SLC66A2: variants seen among roughly 807,000 people sequenced by gnomAD.
The protein encoded by SLC66A2 is solute carrier family 66 member 2.
A neutral mutation model predicts 25.5 loss-of-function variants in SLC66A2; 23 were observed. That is an observed-to-expected ratio of 0.90 (90% CI 0.65 to 1.28). The LOEUF is 1.28. Among genes scored for constraint, SLC66A2 ranks in the 50% most tolerant of loss-of-function variants. SLC66A2 has a pLI of 0.00. For synonymous variants in SLC66A2, 193 were observed against 166.5 expected (o/e 1.16, Z -1.23); for missense variants, 396 against 373.1 (o/e 1.06, Z -0.51).
At chr18:79,913,629 G>A (rs1286999086) in intron 5 of SLC66A2, among the ~76,000 whole-genome samples, 2 of 152,252 alleles carry the variant, frequency 1.3e-5, no homozygotes, top group African/African-American at 2.4e-5. Context: ...GGAGGCAACT[G>A]TGCATGCCGG....
In SLC66A2 at chr18:79,918,013, G is replaced by A. The variant is rs1038449858; in HGVS notation, c.608+1171C>T. Among the ~76,000 whole-genome samples, 3 of 151,548 alleles carry A rather than the reference G, an allele frequency of 2.0e-5. No homozygotes were observed. Among genetic ancestry groups the A allele is most frequent in the African/African-American group, 7.3e-5 (3 of 41,176 alleles). ...ACACCTACGCCACACACCTGTAACT[G>A]CAACCCACACCTATAACCCTGGCCT... On this transcript the variant is annotated intron_variant, in intron 5 of 5. Transcript: ENST00000397778. This position sits in a 1 kb window ranked among gnomAD's most constrained non-coding sequence, Gnocchi z 4.0.
chr18:79,936,683 G>A (rs1987122235), intron 3 of SLC66A2, among the ~76,000 whole-genome samples: 1 of 152,182 alleles, frequency 6.6e-6, no homozygotes, highest in East Asian at 1.9e-4. Context: ...ATAAAACAAA[G>A]TTAAACTTTA....
At position 79,927,518 on chromosome 18, in the gene SLC66A2, G is replaced by A. The variant is rs118027503; in HGVS notation, c.391+6451C>T. Among the ~76,000 whole-genome samples, 7,190 of 152,248 alleles carry A rather than the reference G, an allele frequency of 0.047. 268 individuals carry two copies. Among genetic ancestry groups the A allele is most frequent in the Non-Finnish European group, 0.065 (4,408 of 68,014 alleles). The stretch of plus-strand genomic sequence containing the variant: ...AGTATAAATGCCCTTCTTAGCCTTC[G>A]AGGCCGGCACTGGCCTCGCTGACCC... On this transcript the variant is annotated intron_variant, in intron 4 of 5. Coordinates refer to ENST00000397778, the MANE Select transcript of SLC66A2 (RefSeq NM_025078.5). This position sits in a 1 kb window ranked among gnomAD's most constrained non-coding sequence, Gnocchi z 6.2.
rs575491887 is a variant in SLC66A2, at chr18:79,906,402, C to T, written c.609-2219G>A. ...TTAACTCTAAGCATTGCTTTAGTTG[C>T]ATCCCACAAATTTTGATATGGTGGT... On this transcript the variant is annotated intron_variant, in intron 5 of 5. Transcript: ENST00000397778. 3.7e-4 allele frequency among the ~76,000 whole-genome samples: 57 copies of T among 152,176 alleles called. 2 individuals are homozygous for T. The highest frequency in any genetic ancestry group is 1.9e-4 in the Non-Finnish European group (13 of 68,036).
At chr18:79,929,349 G>T (rs908288283) in intron 4 of SLC66A2, among the ~76,000 whole-genome samples, 2 of 152,144 alleles carry the variant, frequency 1.3e-5, no homozygotes, top group Admixed American at 1.3e-4. Context: ...GATCAGGGAG[G>T]GTCACAGCCA....
Position 79,919,244 on chromosome 18 carries a change from G to T in SLC66A2, c.548C>A (p.Ala183Asp). ...GTAAAGCTGGGGCACACCCAGCATG[G>T]CTTCGGTCAGCACAGCCAGGAAGCC... ...TLGFLAVLTE[A>D]MLGVPQLYRN... The change falls in exon 5 of 6, where the codon GCC (alanine) becomes GAC (aspartate). Residue 183 changes from alanine (A) to aspartate (D), a missense_variant. Ala to Asp is a moderately radical substitution (Grantham distance 126). Transcript: ENST00000397778. 6.2e-7 allele frequency: 1 copy of T among 1,613,282 alleles called. No homozygotes were observed. The highest frequency in any genetic ancestry group is 8.5e-7 in the Non-Finnish European group (1 of 1,180,026).
rs989025591 is a variant in SLC66A2 at position 79,927,903 on chromosome 18, C to A, written c.391+6066G>T. 6.6e-6 allele frequency among the ~76,000 whole-genome samples: 1 copy of A among 152,364 alleles called. No individual in the cohort carries two copies. The highest frequency in any genetic ancestry group is 2.4e-5 in the African/African-American group (1 of 41,590). On this transcript the variant is annotated intron_variant, in intron 4 of 5. Transcript: ENST00000397778. The surrounding 1 kb of genome is among the most constrained non-coding windows in gnomAD (Gnocchi z 6.2). The stretch of plus-strand genomic sequence containing the variant: ...AGCTGCTGAGACACATTCCTGCAGC[C>A]GCCTCAGCTAGAGCCAGGGAGGCCC...
chr18:79,911,576 A>G (rs1983123011), intron 5 of SLC66A2, among the ~76,000 whole-genome samples: 1 of 152,232 alleles, frequency 6.6e-6, no homozygotes, highest in South Asian at 2.1e-4. Context: ...TGGCAGCTGC[A>G]GGCACGGAGC....
At chr18:79,938,963 G>T (rs1404079017) in intron 3 of SLC66A2, among the ~76,000 whole-genome samples, 2 of 152,202 alleles carry the variant, frequency 1.3e-5, no homozygotes, top group Admixed American at 6.5e-5. Context: ...GGCATGAGCC[G>T]CTGCGACCGG....
Position 79,903,643 on chromosome 18 carries a change from A to G in SLC66A2, c.*333T>C. ...GCTGGCCCGTGTGTCCACCTGGAGC[A>G]GGTTCCTGCAGGCCGCCCAATGTGT... On this transcript the variant is annotated 3_prime_UTR_variant, in exon 6 of 6. Coordinates refer to ENST00000397778, the MANE Select transcript of SLC66A2 (RefSeq NM_025078.5). The G allele has an allele frequency of 2.9e-6, 1 of 342,284 alleles. No homozygotes were observed. The highest frequency in any genetic ancestry group is 5.3e-6 in the Non-Finnish European group (1 of 187,640). The allele number at this position is 342,284 out of a possible 1,614,324, so 21.2% of individuals were successfully genotyped here.
Position 79,904,596 on chromosome 18 carries a change from TCTGGGAGGGGCCGGGC to T in SLC66A2, c.609-429_609-414del, listed in dbSNP as rs965577821. Among the ~76,000 whole-genome samples the T allele has an allele frequency of 1.3e-5, 2 of 152,044 alleles. No homozygotes were observed. Among genetic ancestry groups the T allele is most frequent in the African/African-American group, 4.8e-5 (2 of 41,386 alleles). On this transcript the variant is annotated intron_variant, in intron 5 of 5. Coordinates refer to ENST00000397778, the MANE Select transcript of SLC66A2 (RefSeq NM_025078.5). This position sits in a 1 kb window ranked among gnomAD's most constrained non-coding sequence, Gnocchi z 6.3. ...AGGGCCCCTGGTGCGCGGTGGCAAT[TCTGGGAGGGGCCGGGC>T]CTGGGAGGGTGCTGAGGACGCAGAT...
Position 79,919,300 on chromosome 18 carries a change from G to A in SLC66A2, c.492C>T (p.Ser164=), listed in dbSNP as rs1156467782. The A allele has an allele frequency of 7.4e-6, 12 of 1,613,186 alleles. No individual in the cohort carries two copies. The highest frequency in any genetic ancestry group is 1.3e-5 in the African/African-American group (1 of 74,946). ...TGVAGYITYL[S]IDSALFVETL... is the part of the protein sequence containing the mutation. Reference sequence around the variant, plus strand: ...TCTCCACAAACAGGGCGGAGTCAATGGACAGGTAGGTGATGTAGCCCGCCA... The same window carrying A: ...TCTCCACAAACAGGGCGGAGTCAATAGACAGGTAGGTGATGTAGCCCGCCA... Residue 164 remains serine (S), a synonymous_variant, in exon 5 of 6, where the codon TCC becomes TCT. Coordinates refer to ENST00000397778, the MANE Select transcript of SLC66A2 (RefSeq NM_025078.5).
chr18:79,950,093 G>A (rs1345134331), intron 2 of SLC66A2, among the ~76,000 whole-genome samples: 1 of 152,178 alleles, frequency 6.6e-6, no homozygotes, highest in Non-Finnish European at 1.5e-5. Context: ...TGTAATCCCA[G>A]CCCTTTCAGA....
intron 4 of SLC66A2, among the ~76,000 whole-genome samples, chr18:79,922,301 G>C (rs1162878883): frequency 6.9e-6 from 1 of 144,332 alleles, no homozygotes; most frequent in African/African-American, 2.5e-5. Context: ...AAAAAAAAAA[G>C]CTAAAATCCT....
chr18:79,934,128 TA>T (rs3837882), intron 3 of SLC66A2, 106 bp from the exon 4 acceptor site: 360,444 of 596,616 alleles, frequency 0.6, 76,641 homozygotes, highest in Admixed American at 0.68. Context: ...TGCATTTCTT[TA>T]AAAAAAAAAA....
At chr18:79,943,654 G>C in intron 2 of SLC66A2, 192 bp from the exon 3 acceptor site, 1 of 599,916 alleles carries the variant, frequency 1.7e-6, no homozygotes, top group South Asian at 2.2e-5. Flanking sequence ...AACCTGCAGC[G>C]GGAGACACCT....
At chr18:79,928,977 G>C (rs919653067) in intron 4 of SLC66A2, among the ~76,000 whole-genome samples, 1 of 152,180 alleles carries the variant, frequency 6.6e-6, no homozygotes. Flanking sequence ...AGGACCAGAG[G>C]TTCTGTCCTG....
chr18:79,911,178 C>T (rs544876942), intron 5 of SLC66A2, among the ~76,000 whole-genome samples: 1 of 152,362 alleles, frequency 6.6e-6, no homozygotes, highest in East Asian at 1.9e-4. Context: ...CCCAACCACA[C>T]AGGCAGAGCC....
rs1986158069 is a variant in SLC66A2 at position 79,927,896 on chromosome 18, C to T, written c.391+6073G>A. On this transcript the variant is annotated intron_variant, in intron 4 of 5. Transcript: ENST00000397778. The surrounding 1 kb of genome is among the most constrained non-coding windows in gnomAD (Gnocchi z 6.2). ...CCCTAACAGCTGCTGAGACACATTC[C>T]TGCAGCCGCCTCAGCTAGAGCCAGG... 6.6e-6 allele frequency among the ~76,000 whole-genome samples: 1 copy of T among 152,262 alleles called. No homozygotes were observed. Among genetic ancestry groups the T allele is most frequent in the Admixed American group, 6.5e-5 (1 of 15,292 alleles).
Sources: gnomAD v4.1 joint callset for allele counts (sites outside exome capture counted in the v4.1 genomes callset) on GRCh38, gnomAD v4.1.1 for gene constraint, Gnocchi (gnomAD v3.1) non-coding constraint, MANE v1.5 for transcripts, NCBI Gene and HGNC (gene_info 2026-07-23, HGNC 2026-07-21) for gene names.